The following DUSP2 variants were observed in gnomAD, a reference collection of about 807,000 sequenced individuals.
DUSP2 encodes the protein dual specificity phosphatase 2, also known as dual specificity protein phosphatase 2.
In DUSP2, 20 loss-of-function variants were observed where a neutral mutation model predicts 23.3. That is an observed-to-expected ratio of 0.86 (90% CI 0.60 to 1.25). The LOEUF (loss-of-function observed/expected upper bound fraction) is 1.25. DUSP2 is among the 50% of genes most tolerant of loss of function. DUSP2 has a pLI of 0.00. For synonymous variants in DUSP2, 231 were observed against 209.7 expected (o/e 1.10, Z -0.88); for missense variants, 435 against 452.6 (o/e 0.96, Z 0.35).
rs570661321 is a variant in DUSP2, at chr2:96,143,982, C to T, written c.786G>A (p.Ser262=). ...RVLVHCQAGI[S]RSATICLAYL... ...ATGCCAGACAGATGGTGGCAGAGCG[C>T]GAGATACCCGCCTGGCAGTGCACCA... Residue 262 remains serine (S), a synonymous_variant, in exon 4 of 4, where the codon TCG becomes TCA. Transcript: ENST00000288943. 6.8e-6 allele frequency: 11 copies of T among 1,613,802 alleles called. No homozygotes were observed. The highest frequency in any genetic ancestry group is 4.0e-5 in the African/African-American group (3 of 75,068).
chr2:96,144,567 A>G (rs1682467941), intron 2 of DUSP2, 194 bp from the exon 3 acceptor site: 3 of 715,548 alleles, frequency 4.2e-6, no homozygotes, highest in Admixed American at 5.7e-5. Flanking sequence ...CAACATACAC[A>G]TGCAAACATA....
chr2:96,145,272 A>C lies in DUSP2; in HGVS notation c.83T>G (p.Leu28Arg), dbSNP rs1362632869. 1 of 1,331,786 alleles carries C rather than the reference A, an allele frequency of 7.5e-7. No homozygotes were observed. Among genetic ancestry groups the C allele is most frequent in the Non-Finnish European group, 9.6e-7 (1 of 1,046,740 alleles). The allele number at this position is 1,331,786 out of a possible 1,614,324, so 82.5% of individuals were successfully genotyped here. The change falls in exon 1 of 4, where the codon CTG (leucine) becomes CGG (arginine). Residue 28 changes from leucine (L) to arginine (R), a missense_variant. Physicochemically the swap from Leu to Arg is moderately radical, Grantham distance 102. Transcript: ENST00000288943. ...CAGGAAGGGGCGGCAGTCCAGCAGC[A>C]GCGTGCGTTCCGCCTCCCGCGGATC... Reference protein sequence around the residue: ...LRDPREAERTLLLDCRPFLAF... With the variant: ...LRDPREAERTRLLDCRPFLAF...
chr2:96,144,724 A>G, intron 2 of DUSP2, 37 bp downstream of exon 2: 1 of 1,495,682 alleles, frequency 6.7e-7, no homozygotes, highest in Non-Finnish European at 9.0e-7. Flanking sequence ...CGCGGCGGGG[A>G]GAGAGGGAGG....
At chr2:96,144,552 G>T in intron 2 of DUSP2, 179 bp from the exon 3 acceptor site, 1 of 733,134 alleles carries the variant, frequency 1.4e-6, no homozygotes, top group Non-Finnish European at 2.2e-6. Context: ...TTCCCTTCAT[G>T]CTCCCAACAT....
chr2:96,144,683 T>C (rs2104788535), intron 2 of DUSP2, 78 bp downstream of exon 2: 1 of 1,314,828 alleles, frequency 7.6e-7, no homozygotes, highest in African/African-American at 1.5e-5. Context: ...CATCCCCAAA[T>C]GGCAGGCTCT....
chr2:96,144,068 C>T (rs766531469), intron 3 of DUSP2, 31 bp from the exon 4 acceptor site: 69 of 1,612,994 alleles, frequency 4.3e-5, no homozygotes, highest in Admixed American at 2.2e-4. Context: ...TGGTGTCAGA[C>T]GGAATGTGCA....
chr2:96,145,297 C>T lies in DUSP2; in HGVS notation c.58G>A (p.Asp20Asn). The T allele has an allele frequency of 7.2e-7, 1 of 1,379,966 alleles. No individual in the cohort carries two copies. The highest frequency in any genetic ancestry group is 9.3e-7 in the Non-Finnish European group (1 of 1,070,006). 85.5% of individuals were successfully genotyped at this position (1,379,966 alleles called of 1,614,324 possible). ...ECAALGTLLR[D>N]PREAERTLLL... ...AGCGTGCGTTCCGCCTCCCGCGGAT[C>T]CCGCAGCAGCGTGCCCAGCGCCGCG... Residue 20 changes from aspartate to asparagine, a missense_variant, in exon 1 of 4, where the codon GAT becomes AAT. Coordinates refer to ENST00000288943, the MANE Select transcript of DUSP2 (RefSeq NM_004418.4).
intron 2 of DUSP2, 139 bp downstream of exon 2, chr2:96,144,622 T>TC (rs1170660780): frequency 1.2e-6 from 1 of 856,024 alleles, no homozygotes; most frequent in African/African-American, 1.7e-5. Flanking sequence ...CCCCACCCCC[T>TC]CCCCCAACAC....
At position 96,143,938 on chromosome 2, in the gene DUSP2, CG is replaced by C; in HGVS notation, c.829del (p.Arg277ValfsTer106). ...GTCAAAGGCCTCGTCCAGCCGCACA[CG>C]GCGACTCTGCATGAGGTATGCCAGA... ...ICLAYLMQSR[R>X]VRLDEAFDFV... On this transcript the variant is annotated frameshift_variant, in exon 4 of 4. Coordinates refer to ENST00000288943, the MANE Select transcript of DUSP2 (RefSeq NM_004418.4). LOFTEE classifies it high-confidence loss of function. 4.3e-6 allele frequency: 7 copies of C among 1,613,822 alleles called. No individual in the cohort carries two copies. The highest frequency in any genetic ancestry group is 5.9e-6 in the Non-Finnish European group (7 of 1,180,024).
Position 96,144,169 on chromosome 2 carries a change from C to T in DUSP2, c.715G>A (p.Ala239Thr). ...MVEISAWFQE[A>T]IGFIDWVKNS... ...GCCCCCTTACCAATGAAGCCTATGG[C>T]CTCCTGGAACCAGGCACTGATCTCC... Residue 239 changes from alanine (A) to threonine (T), a missense_variant, in exon 3 of 4, where the codon GCC becomes ACC. By Grantham distance (58) the Ala-to-Thr change is moderately conservative. Coordinates refer to ENST00000288943, the MANE Select transcript of DUSP2 (RefSeq NM_004418.4). 1.2e-6 allele frequency: 2 copies of T among 1,614,108 alleles called. No individual in the cohort carries two copies. The highest frequency in any genetic ancestry group is 1.7e-6 in the Non-Finnish European group (2 of 1,180,034).
rs760580274 is a variant in DUSP2 at position 96,143,896 on chromosome 2, C to T, written c.872G>A (p.Arg291Gln). Reference sequence around the variant, plus strand: ...ACTGAAGTTGGGGGAGATGACCCCCCGGCGCTGCTTAACGAAGTCAAAGGC... The same window carrying T: ...ACTGAAGTTGGGGGAGATGACCCCCTGGCGCTGCTTAACGAAGTCAAAGGC... ...DEAFDFVKQR[R>Q]GVISPNFSFM... is the part of the protein sequence containing the mutation. The change falls in exon 4 of 4, where the codon CGG (arginine) becomes CAG (glutamine). Residue 291 changes from arginine to glutamine, a missense_variant. By Grantham distance (43) the Arg-to-Gln change is conservative (BLOSUM62 1). Transcript: ENST00000288943. 7.4e-6 allele frequency: 12 copies of T among 1,613,640 alleles called. No individual in the cohort carries two copies. The highest frequency in any genetic ancestry group is 1.3e-5 in the African/African-American group (1 of 74,926).
chr2:96,144,856 A>C lies in DUSP2; in HGVS notation c.415T>G (p.Cys139Gly). Residue 139 changes from cysteine (C) to glycine (G), a missense_variant, in exon 2 of 4, where the codon TGT (cysteine) becomes GGT (glycine). By Grantham distance (159) the Cys-to-Gly change is radical. Coordinates refer to ENST00000288943, the MANE Select transcript of DUSP2 (RefSeq NM_004418.4). ...GGGGCCTCAGAGCACAGATCGGGAC[A>C]GCAGCCCTGGAAGCCGTCGAAGCCT... is the stretch of plus-strand genomic sequence containing the variant. ...RGGFDGFQGC[C>G]PDLCSEAPAP... The C allele has an allele frequency of 6.4e-7, 1 of 1,554,440 alleles. No homozygotes were observed. The highest frequency in any genetic ancestry group is 8.7e-7 in the Non-Finnish European group (1 of 1,149,206).
rs775141232 is a variant in DUSP2, at chr2:96,144,044, G to A, written c.731-7C>T. 9 of 1,613,586 alleles carry A rather than the reference G, an allele frequency of 5.6e-6. No homozygotes were observed. In the South Asian group the frequency reaches 8.8e-5, roughly 16 times the overall value. On this transcript the variant is annotated splice_region_variant and splice_polypyrimidine_tract_variant and intron_variant, in intron 3 of 3. Coordinates refer to ENST00000288943, the MANE Select transcript of DUSP2 (RefSeq NM_004418.4). Reference sequence around the variant, plus strand: ...CCGCTGTTCTTCACCCAGTCTGCAAGGGAGATGGGGGAGTGGTGTCAGACG... The same window carrying A: ...CCGCTGTTCTTCACCCAGTCTGCAAAGGAGATGGGGGAGTGGTGTCAGACG...
intron 2 of DUSP2, 157 bp from the exon 3 acceptor site, chr2:96,144,530 C>T: frequency 2.6e-6 from 2 of 763,880 alleles, no homozygotes; most frequent in South Asian, 1.8e-5. Flanking sequence ...GAGGACACAC[C>T]GGGACATACA....
chr2:96,145,031 A>C lies in DUSP2; in HGVS notation c.324T>G (p.His108Gln). ...VAELRPDSPA[H>Q]VLLAALLHET... Reference sequence around the variant, plus strand: ...CGTGCAGCAGCGCGGCCAGCAGCACATGAGCCGGGCTGTCGGGCCGGAGCT... The same window carrying C: ...CGTGCAGCAGCGCGGCCAGCAGCACCTGAGCCGGGCTGTCGGGCCGGAGCT... The change falls in exon 1 of 4, where the codon CAT (histidine) becomes CAG (glutamine). Residue 108 changes from histidine (H) to glutamine (Q), a missense_variant. His to Gln is a conservative substitution (Grantham distance 24, BLOSUM62 0). Coordinates refer to ENST00000288943, the MANE Select transcript of DUSP2 (RefSeq NM_004418.4). 6.5e-7 allele frequency: 1 copy of C among 1,535,096 alleles called. No homozygotes were observed.
In DUSP2 at chr2:96,144,374, C is replaced by CT; in HGVS notation, c.511-2dup. 3 of 1,612,236 alleles carry CT rather than the reference C, an allele frequency of 1.9e-6. No homozygotes were observed. The highest frequency in any genetic ancestry group is 2.5e-6 in the Non-Finnish European group (3 of 1,179,052). On this transcript the variant is annotated splice_acceptor_variant, in intron 2 of 3. Transcript: ENST00000288943. LOFTEE classifies it high-confidence loss of function. ...AGGGCAAGATCTCCACAGGGCCACC[C>CT]TGGAGGGAACAGAGGGGCGGTGAGG...
At position 96,144,842 on chromosome 2, in the gene DUSP2, G is replaced by A. The variant is rs1225706124; in HGVS notation, c.429C>T (p.Cys143=). The part of the protein sequence containing the change: ...DGFQGCCPDL[C]SEAPAPALPP... The stretch of plus-strand genomic sequence containing the variant: ...GCAGCGCAGGGGCGGGGGCCTCAGA[G>A]CACAGATCGGGACAGCAGCCCTGGA... Residue 143 remains cysteine, a synonymous_variant, in exon 2 of 4, where the codon TGC becomes TGT. Transcript: ENST00000288943. 1.2e-5 allele frequency: 18 copies of A among 1,558,918 alleles called. No individual in the cohort carries two copies. Among genetic ancestry groups the A allele is most frequent in the Middle Eastern group, 1.7e-4 (1 of 5,978 alleles).
Position 96,143,724 on chromosome 2 carries a change from G to T in DUSP2, c.*99C>A. On this transcript the variant is annotated 3_prime_UTR_variant, in exon 4 of 4. Coordinates refer to ENST00000288943, the MANE Select transcript of DUSP2 (RefSeq NM_004418.4). ...GAAACTCTGAGGAGGTAGCAGCCCT[G>T]CCAGAGGTGAGGGGACTGTGCTGGC... 2 of 1,421,724 alleles carry T rather than the reference G, an allele frequency of 1.4e-6. No homozygotes were observed. Among genetic ancestry groups the T allele is most frequent in the Non-Finnish European group, 1.9e-6 (2 of 1,044,452 alleles). The allele number at this position is 1,421,724 out of a possible 1,614,324, so 88.1% of individuals were successfully genotyped here. A position where few individuals can be genotyped will look rare whatever the true frequency, so the allele number is the denominator to read the frequency against.
At position 96,144,309 on chromosome 2, in the gene DUSP2, T is replaced by G; in HGVS notation, c.575A>C (p.Gln192Pro). ...TGTGATGCCACAGGCCTGCAGCCCC[T>G]GCAGGTCTGACGAGTGACTGCAGCT... ...LGSCSHSSDL[Q>P]GLQACGITAV... The change falls in exon 3 of 4, where the codon CAG becomes CCG. Residue 192 changes from glutamine (Q) to proline (P), a missense_variant. Gln to Pro is a moderately conservative substitution (Grantham distance 76). Coordinates refer to ENST00000288943, the MANE Select transcript of DUSP2 (RefSeq NM_004418.4). 1.2e-6 allele frequency: 2 copies of G among 1,613,862 alleles called. No homozygotes were observed. The highest frequency in any genetic ancestry group is 1.1e-5 in the South Asian group (1 of 91,088).
Sources: allele counts gnomAD v4.1 joint callset, GRCh38; gene constraint gnomAD v4.1.1; transcripts MANE v1.5; gene names NCBI Gene and HGNC (gene_info 2026-07-23, HGNC 2026-07-21).